ZNF525: variants seen among roughly 807,000 people sequenced by gnomAD.
ZNF525 encodes the protein zinc finger protein 525.
A neutral mutation model predicts 37.6 loss-of-function variants in ZNF525; 33 were observed. The ratio of observed to expected loss-of-function variants is 0.88; its 90% confidence interval spans 0.67 to 1.17. The LOEUF (loss-of-function observed/expected upper bound fraction) is 1.17. Ranked by LOEUF, ZNF525 falls within the 50% of genes most tolerant of loss-of-function variation. ZNF525 has a pLI of 0.00. For synonymous variants in ZNF525, 170 were observed against 182.3 expected (o/e 0.93, Z 0.54); for missense variants, 449 against 543.1 (o/e 0.83, Z 1.72).
intron 1 of ZNF525, among the ~76,000 whole-genome samples, chr19:53,371,799 C>T (rs539344651): frequency 2.0e-5 from 3 of 152,272 alleles, no homozygotes; most frequent in Non-Finnish European, 2.9e-5. Context: ...AGACATGCAC[C>T]GCTATGCCTG....
At position 53,385,655 on chromosome 19, in the gene ZNF525, C is replaced by G. The variant is rs1224352076; in HGVS notation, c.*3636C>G. The G allele has an allele frequency of 1.9e-5, 3 of 154,364 alleles. No individual in the cohort carries two copies. The highest frequency in any genetic ancestry group is 4.3e-5 in the Non-Finnish European group (3 of 69,726). 9.6% of individuals were successfully genotyped at this position (154,364 alleles called of 1,614,324 possible). On this transcript the variant is annotated 3_prime_UTR_variant, in exon 4 of 4. Transcript: ENST00000474037. ...TGAGCTATGATCATGCCACTGCACT[C>G]CAGCATGGGTGATGGAGAGAGATAC...
In ZNF525 at chr19:53,384,046, T is replaced by G. The variant is rs1049107425; in HGVS notation, c.*2027T>G. 7 of 556,676 alleles carry G rather than the reference T, an allele frequency of 1.3e-5. No homozygotes were observed. Among genetic ancestry groups the G allele is most frequent in the African/African-American group, 5.8e-5 (3 of 52,120 alleles). The allele number at this position is 556,676 out of a possible 1,614,324, so 34.5% of individuals were successfully genotyped here. A position where few individuals can be genotyped will look rare whatever the true frequency, so the allele number is the denominator to read the frequency against. ...CACTCCTTGCAGAATATCAGAAAAT[T>G]CATTTTTCAGGTAATTGTTCCCAAT... On this transcript the variant is annotated 3_prime_UTR_variant, in exon 4 of 4. Coordinates refer to ENST00000474037, the MANE Select transcript of ZNF525 (RefSeq NM_001348156.2).
chr19:53,375,787 G>A lies in ZNF525; in HGVS notation c.33G>A (p.Arg11=), dbSNP rs1405827482. ...CATTTCAGGGTCTATTGACATTCAG[G>A]GATGTGGCCATAGAATTCTCTCAGG... MALPQGLLTF[R]DVAIEFSQEE... The change falls in exon 3 of 4, where the codon AGG becomes AGA. Residue 11 remains arginine (R), a synonymous_variant. Transcript: ENST00000474037. 1.2e-6 allele frequency: 2 copies of A among 1,613,874 alleles called. No individual in the cohort carries two copies. Among genetic ancestry groups the A allele is most frequent in the Non-Finnish European group, 1.7e-6 (2 of 1,179,892 alleles).
intron 1 of ZNF525, among the ~76,000 whole-genome samples, chr19:53,369,845 C>A (rs1338228696): frequency 3.9e-5 from 5 of 129,770 alleles, no homozygotes; most frequent in Non-Finnish European, 6.6e-5. Context: ...CTGCCTCAGC[C>A]TCCCCAGTAG....
chr19:53,366,936 C>G (rs181456161), intron 1 of ZNF525, among the ~76,000 whole-genome samples: 18 of 143,692 alleles, frequency 1.3e-4, no homozygotes, highest in African/African-American at 4.7e-4. Context: ...AGCGGCTCAG[C>G]AGATTTACAT....
chr19:53,370,311 C>T (rs934736317), intron 1 of ZNF525, among the ~76,000 whole-genome samples: 4 of 150,240 alleles, frequency 2.7e-5, no homozygotes, highest in Non-Finnish European at 4.4e-5. Context: ...CCCAGCTACT[C>T]GAAAGGCTGA....
chr19:53,373,345 C>T (rs180976770), intron 2 of ZNF525, among the ~76,000 whole-genome samples: 2 of 152,252 alleles, frequency 1.3e-5, no homozygotes. Context: ...CTGCCTGCCT[C>T]AGCCTCCAGG....
Position 53,381,460 on chromosome 19 carries a change from C to A in ZNF525, c.881C>A (p.Thr294Asn), listed in dbSNP as rs1239423097. The A allele has an allele frequency of 2.7e-6, 4 of 1,457,456 alleles. No homozygotes were observed. The highest frequency in any genetic ancestry group is 3.9e-6 in the Non-Finnish European group (4 of 1,037,374). The allele number at this position is 1,457,456 out of a possible 1,614,324, so 90.3% of individuals were successfully genotyped here. A position where few individuals can be genotyped will look rare whatever the true frequency, so the allele number is the denominator to read the frequency against. Residue 294 changes from threonine (T) to asparagine (N), a missense_variant, in exon 4 of 4, where the codon ACT (threonine) becomes AAT (asparagine). Physicochemically the swap from Thr to Asn is moderately conservative, Grantham distance 65 (BLOSUM62 0). Around this residue, in one of 2 missense-constraint regions of ZNF525, gnomAD observed 271 missense variants for 381.6 expected, o/e 0.71. Coordinates refer to ENST00000474037, the MANE Select transcript of ZNF525 (RefSeq NM_001348156.2). ...SSLTYHHRLHTGEKPYKCEEC... is the reference protein window; with the variant it reads ...SSLTYHHRLHNGEKPYKCEEC... ...CTTACATATCATCATCGACTTCATACTGGAGAGAAACCTTACAAATGTGAA... is the reference window on the plus strand; with the variant it reads ...CTTACATATCATCATCGACTTCATAATGGAGAGAAACCTTACAAATGTGAA...
At position 53,381,379 on chromosome 19, in the gene ZNF525, G is replaced by C; in HGVS notation, c.800G>C (p.Gly267Ala). ...YLARHRRCHTGEKPYKCNECG... is the reference protein window; with the variant it reads ...YLARHRRCHTAEKPYKCNECG... ...GCACGCCATCGTAGATGTCACACTG[G>C]TGAGAAACCTTACAAGTGTAATGAG... is the stretch of plus-strand genomic sequence containing the variant. The change falls in exon 4 of 4, where the codon GGT becomes GCT. Residue 267 changes from glycine (G) to alanine (A), a missense_variant. By Grantham distance (60) the Gly-to-Ala change is moderately conservative. This residue lies in a region of ZNF525 where 271 missense variants were observed against 381.6 expected (regional missense o/e 0.71). Transcript: ENST00000474037. 2 of 1,596,872 alleles carry C rather than the reference G, an allele frequency of 1.3e-6. No homozygotes were observed. The highest frequency in any genetic ancestry group is 1.1e-5 in the South Asian group (1 of 90,688).
Position 53,381,645 on chromosome 19 carries a change from G to A in ZNF525, c.1066G>A (p.Glu356Lys), listed in dbSNP as rs61743769. The change falls in exon 4 of 4, where the codon GAA becomes AAA. Residue 356 changes from glutamate (E) to lysine (K), a missense_variant. By Grantham distance (56) the Glu-to-Lys change is moderately conservative (BLOSUM62 1). This residue lies in a region of ZNF525 where 178 missense variants were observed against 161.5 expected (regional missense o/e 1.10). Transcript: ENST00000474037. ...CATTCATACTGGAAAGAAACCTTAC[G>A]AATGTGAAGAATGTGACAAAGCTTT... ...RSIHTGKKPY[E>K]CEECDKAFSF... The A allele has an allele frequency of 5.6e-4, 630 of 1,117,236 alleles. 10 individuals are homozygous for A. The highest frequency in any genetic ancestry group is 1.1e-3 in the Admixed American group (67 of 59,274). 69.2% of individuals were successfully genotyped at this position (1,117,236 alleles called of 1,614,324 possible). A position where few individuals can be genotyped will look rare whatever the true frequency, so the allele number is the denominator to read the frequency against.
intron 1 of ZNF525, among the ~76,000 whole-genome samples, chr19:53,366,303 C>T (rs1373792042): frequency 8.7e-6 from 1 of 115,506 alleles, no homozygotes; most frequent in African/African-American, 2.5e-5. Flanking sequence ...GGGAGGTGCC[C>T]GGGTTCTGTC....
chr19:53,368,162 G>C (rs1200066078), intron 1 of ZNF525, among the ~76,000 whole-genome samples: 1 of 152,068 alleles, frequency 6.6e-6, no homozygotes, highest in Non-Finnish European at 1.5e-5. Flanking sequence ...TTGTCCATTT[G>C]GCTGGCAACT....
At position 53,383,032 on chromosome 19, in the gene ZNF525, A is replaced by G; in HGVS notation, c.*1013A>G. 1 of 1,475,508 alleles carries G rather than the reference A, an allele frequency of 6.8e-7. No individual in the cohort carries two copies. The allele number at this position is 1,475,508 out of a possible 1,614,324, so 91.4% of individuals were successfully genotyped here. On this transcript the variant is annotated 3_prime_UTR_variant, in exon 4 of 4. Transcript: ENST00000474037. The stretch of plus-strand genomic sequence containing the variant: ...TTTTTAATCGCAAAGCAAAGCTTGC[A>G]TGTCATCATAGACTTCATACTGGAG...
At position 53,369,766 on chromosome 19, in the gene ZNF525, C is replaced by T. The variant is rs1203584307; in HGVS notation, c.-67-2449C>T. On this transcript the variant is annotated intron_variant, in intron 1 of 3. Coordinates refer to ENST00000474037, the MANE Select transcript of ZNF525 (RefSeq NM_001348156.2). ...TTTTGAGACGGAGTCTCGCTGTCAC[C>T]CAGGCTGGAGTGCAGTGGCGCGATC... 3.2e-5 allele frequency among the ~76,000 whole-genome samples: 4 copies of T among 123,608 alleles called. 1 individual carries two copies. The highest frequency in any genetic ancestry group is 8.4e-5 in the Admixed American group (1 of 11,952). 81.1% of individuals were successfully genotyped at this position (123,608 alleles called of 152,430 possible). A position where few individuals can be genotyped will look rare whatever the true frequency, so the allele number is the denominator to read the frequency against.
chr19:53,370,519 C>T (rs1403528564), intron 1 of ZNF525, among the ~76,000 whole-genome samples: 2 of 151,872 alleles, frequency 1.3e-5, no homozygotes, highest in East Asian at 1.9e-4. Flanking sequence ...AGCCTCCCTG[C>T]AACTTGGAGA....
chr19:53,380,186 G>A (rs1034098852), intron 3 of ZNF525, among the ~76,000 whole-genome samples: 7 of 151,758 alleles, frequency 4.6e-5, no homozygotes, highest in African/African-American at 1.7e-4. Context: ...TGCCTCTTGG[G>A]TTCAAGCAAT....
intron 2 of ZNF525, 50 bp from the exon 3 acceptor site, chr19:53,375,720 G>T (rs767039090): frequency 2.5e-6 from 4 of 1,613,588 alleles, no homozygotes; most frequent in South Asian, 2.2e-5. Context: ...TTTCTGTAAA[G>T]ATAAGAACTC....
rs770909666 is a variant in ZNF525, at chr19:53,381,321, T to C, written c.742T>C (p.Cys248Arg). 2 of 1,512,368 alleles carry C rather than the reference T, an allele frequency of 1.3e-6. No individual in the cohort carries two copies. The highest frequency in any genetic ancestry group is 1.7e-5 in the Admixed American group (1 of 59,922). The allele number at this position is 1,512,368 out of a possible 1,614,324, so 93.7% of individuals were successfully genotyped here. The change falls in exon 4 of 4, where the codon TGT becomes CGT. Residue 248 changes from cysteine (C) to arginine (R), a missense_variant. By Grantham distance (180) the Cys-to-Arg change is radical (BLOSUM62 -3). Around this residue, in one of 2 missense-constraint regions of ZNF525, gnomAD observed 271 missense variants for 381.6 expected, o/e 0.71. Transcript: ENST00000474037. Reference sequence around the variant, plus strand: ...AGAGAAACAATATAAATGTGATGTATGTGACAAGGTCTTTATTCGGAAGCG... The same window carrying C: ...AGAGAAACAATATAAATGTGATGTACGTGACAAGGTCTTTATTCGGAAGCG... ...LGEKQYKCDV[C>R]DKVFIRKRYL...
Position 53,381,217 on chromosome 19 carries a change from A to T in ZNF525, c.638A>T (p.Lys213Ile). ...TQRQEVRMRE[K>I]SFQCIESGKA... Reference sequence around the variant, plus strand: ...AGACAGGAAGTACGCATGAGAGAAAAATCTTTCCAATGTATTGAGAGTGGC... The same window carrying T: ...AGACAGGAAGTACGCATGAGAGAAATATCTTTCCAATGTATTGAGAGTGGC... The change falls in exon 4 of 4, where the codon AAA becomes ATA. Residue 213 changes from lysine to isoleucine, a missense_variant. By Grantham distance (102) the Lys-to-Ile change is moderately radical. Transcript: ENST00000474037. The T allele has an allele frequency of 1.5e-6, 2 of 1,346,590 alleles. No individual in the cohort carries two copies. Among genetic ancestry groups the T allele is most frequent in the East Asian group, 4.6e-5 (2 of 43,624 alleles). The allele number at this position is 1,346,590 out of a possible 1,614,324, so 83.4% of individuals were successfully genotyped here.
Sources: gnomAD v4.1 joint callset for allele counts (sites outside exome capture counted in the v4.1 genomes callset) on GRCh38, gnomAD v4.1.1 for gene constraint, gnomAD v4.1.1 regional missense constraint, MANE v1.5 for transcripts, NCBI Gene and HGNC (gene_info 2026-07-23, HGNC 2026-07-21) for gene names.